Variants in DRD2 observed in about 807,000 individuals in gnomAD.
DRD2 encodes the protein D(2) dopamine receptor.
A neutral mutation model predicts 38.0 loss-of-function variants in DRD2; 8 were observed. The ratio of observed to expected loss-of-function variants is 0.21; its 90% CI spans 0.12 to 0.38. The LOEUF is 0.38. Ranked by LOEUF, DRD2 falls within the 10% of genes least tolerant of loss-of-function variation. The pLI, the probability that DRD2 is intolerant of heterozygous loss-of-function variation, is 1.00. For synonymous variants in DRD2, 230 were observed against 238.6 expected (o/e 0.96, Z 0.33); for missense variants, 403 against 607.7 (o/e 0.66, Z 3.54).
At chr11:113,421,718 T>G (rs925959945) in intron 2 of DRD2, among the ~76,000 whole-genome samples, 1 of 152,074 alleles carries the variant, frequency 6.6e-6, no homozygotes, top group Non-Finnish European at 1.5e-5. Context: ...GACAAGAGCA[T>G]GTATTAGAGA....
In DRD2 at chr11:113,416,084, C is replaced by T. The variant is rs573099519; in HGVS notation, c.533-473G>A. ...TGTTCCTATGTGTTTCATATGTTTG[C>T]GTGCCCTTCTAGGTCTACCAGACGC... On this transcript the variant is annotated intron_variant, in intron 4 of 7. Transcript: ENST00000362072. Among the ~76,000 whole-genome samples, 8 of 152,326 alleles carry T rather than the reference C, an allele frequency of 5.3e-5. No homozygotes were observed. In the South Asian group the frequency reaches 1.0e-3, roughly 20 times the overall value.
chr11:113,412,818 C>A lies in DRD2; in HGVS notation c.876G>T (p.Arg292Ser). The A allele has an allele frequency of 6.2e-7, 1 of 1,613,370 alleles. No homozygotes were observed. The highest frequency in any genetic ancestry group is 8.5e-7 in the Non-Finnish European group (1 of 1,179,764). Residue 292 changes from arginine to serine, a missense_variant, in exon 7 of 8, where the codon AGG (arginine) becomes AGT (serine). Arg to Ser is a moderately radical substitution (Grantham distance 110, BLOSUM62 -1). Around this residue, in one of 4 missense-constraint regions of DRD2, gnomAD observed 166 missense variants for 178.6 expected, o/e 0.93. Coordinates refer to ENST00000362072, the MANE Select transcript of DRD2 (RefSeq NM_000795.4). ...TGGGTGGGATGGGGCTGTACCGGGTCCTCTCGGGTGGGCTGGTGCTGGAGA... is the reference window on the plus strand; with the variant it reads ...TGGGTGGGATGGGGCTGTACCGGGTACTCTCGGGTGGGCTGGTGCTGGAGA... ...EMLSSTSPPE[R>S]TRYSPIPPSH...
intron 1 of DRD2, among the ~76,000 whole-genome samples, chr11:113,433,425 G>A (rs1300107330): frequency 6.6e-6 from 1 of 152,188 alleles, no homozygotes; most frequent in Non-Finnish European, 1.5e-5. Flanking sequence ...GACCTAGGCT[G>A]GGGGATACCC....
At chr11:113,451,301 T>C (rs1353617215) in intron 1 of DRD2, among the ~76,000 whole-genome samples, 2 of 152,198 alleles carry the variant, frequency 1.3e-5, no homozygotes, top group African/African-American at 2.4e-5. Context: ...ACCTATGAGA[T>C]AGATGCTAAC....
Position 113,416,962 on chromosome 11 carries a change from G to T in DRD2, c.433C>A (p.Arg145Ser), listed in dbSNP as rs779267865. The change falls in exon 4 of 8, where the codon CGC becomes AGC. Residue 145 changes from arginine to serine, a missense_variant. By Grantham distance (110) the Arg-to-Ser change is moderately radical (BLOSUM62 -1). Coordinates refer to ENST00000362072, the MANE Select transcript of DRD2 (RefSeq NM_000795.4). The part of the protein sequence containing the change: ...AVAMPMLYNT[R>S]YSSKRRVTVM... Reference sequence around the variant, plus strand: ...GTGACCCGGCGCTTGGAGCTGTAGCGCGTATTGTACAGCATGGGCATGGCC... The same window carrying T: ...GTGACCCGGCGCTTGGAGCTGTAGCTCGTATTGTACAGCATGGGCATGGCC... 8.7e-6 allele frequency: 14 copies of T among 1,614,018 alleles called. No homozygotes were observed. Among genetic ancestry groups the T allele is most frequent in the Admixed American group, 6.7e-5 (4 of 60,002 alleles).
rs556314398 is a variant in DRD2 at position 113,414,292 on chromosome 11, C to A, written c.810+83G>T. 2.2e-3 allele frequency: 3,006 copies of A among 1,340,042 alleles called. 3 individuals carry two copies. Among genetic ancestry groups the A allele is most frequent in the Non-Finnish European group, 3.1e-3 (2,879 of 929,998 alleles). 83.0% of individuals were successfully genotyped at this position (1,340,042 alleles called of 1,614,324 possible). ...CTGGGGTGCTTCTCCCATTGGCCAG[C>A]TTCTGAGGTCTCAGAACCATGGCCA... On this transcript the variant is annotated intron_variant, in intron 6 of 7. Coordinates refer to ENST00000362072, the MANE Select transcript of DRD2 (RefSeq NM_000795.4).
chr11:113,420,284 C>G (rs970083950), intron 2 of DRD2, among the ~76,000 whole-genome samples: 6 of 152,202 alleles, frequency 3.9e-5, no homozygotes, highest in African/African-American at 4.8e-5. Context: ...ATCCTAGGCT[C>G]CTGGACACAG....
At chr11:113,430,369 T>C (rs989027599) in intron 1 of DRD2, among the ~76,000 whole-genome samples, 2 of 152,120 alleles carry the variant, frequency 1.3e-5, no homozygotes, top group East Asian at 1.9e-4. Flanking sequence ...ATTTTATATA[T>C]CACTAGGAAA....
intron 7 of DRD2, 112 bp downstream of exon 7, chr11:113,412,444 G>A (rs1354877781): frequency 1.5e-6 from 2 of 1,358,526 alleles, no homozygotes; most frequent in Non-Finnish European, 2.0e-6. Flanking sequence ...GGCTTGGCCT[G>A]TGCCTGAGGA....
intron 7 of DRD2, 93 bp downstream of exon 7, chr11:113,412,463 C>A: frequency 6.7e-7 from 1 of 1,490,508 alleles, no homozygotes; most frequent in Non-Finnish European, 9.2e-7. Flanking sequence ...GAAATGCTAG[C>A]CCCATGATCC....
At chr11:113,451,192 C>A (rs1565674719) in intron 1 of DRD2, among the ~76,000 whole-genome samples, 1 of 152,146 alleles carries the variant, frequency 6.6e-6, no homozygotes, top group Non-Finnish European at 1.5e-5. Flanking sequence ...GAATATGTAT[C>A]CAAAACTTGT....
intron 1 of DRD2, among the ~76,000 whole-genome samples, chr11:113,448,601 G>A (rs1312115142): frequency 6.6e-6 from 1 of 152,240 alleles, no homozygotes; most frequent in Admixed American, 6.5e-5. Context: ...AGGAACAGGA[G>A]GAAGACAGAG....
intron 1 of DRD2, among the ~76,000 whole-genome samples, chr11:113,452,162 C>CT (rs1238545279): frequency 6.6e-6 from 1 of 152,112 alleles, no homozygotes; most frequent in Non-Finnish European, 1.5e-5. Context: ...TAAGAGGTGG[C>CT]TGACCCCAAA....
chr11:113,433,352 C>A (rs1951006327), intron 1 of DRD2, among the ~76,000 whole-genome samples: 1 of 152,172 alleles, frequency 6.6e-6, no homozygotes, highest in Admixed American at 6.5e-5. Flanking sequence ...CCTTCTTGAG[C>A]CCCTGGACTC....
intron 1 of DRD2, among the ~76,000 whole-genome samples, chr11:113,442,398 G>A (rs1368124036): frequency 6.6e-6 from 1 of 152,182 alleles, no homozygotes; most frequent in Non-Finnish European, 1.5e-5. Context: ...GAGCTACAAA[G>A]GCTGTGTCTG....
At chr11:113,446,367 T>A (rs1951148908) in intron 1 of DRD2, among the ~76,000 whole-genome samples, 1 of 152,236 alleles carries the variant, frequency 6.6e-6, no homozygotes, top group Non-Finnish European at 1.5e-5. Flanking sequence ...GCAGTCATAG[T>A]AACGGTAGCT....
At chr11:113,436,546 A>G (rs955076878) in intron 1 of DRD2, among the ~76,000 whole-genome samples, 24 of 152,138 alleles carry the variant, frequency 1.6e-4, no homozygotes, top group Admixed American at 1.2e-3. Context: ...TAGAGTCCTT[A>G]TCCTTTAGAG....
intron 7 of DRD2, 120 bp from the exon 8 acceptor site, chr11:113,411,040 T>G (rs1170217511): frequency 9.1e-7 from 1 of 1,103,008 alleles, no homozygotes; most frequent in Non-Finnish European, 1.3e-6. Flanking sequence ...ACAGAAGCAC[T>G]GTAGGAGGAG....
chr11:113,415,454 T>C lies in DRD2; in HGVS notation c.690A>G (p.Arg230=). Residue 230 remains arginine, a synonymous_variant, in exon 5 of 8, where the codon CGA becomes CGG. Coordinates refer to ENST00000362072, the MANE Select transcript of DRD2 (RefSeq NM_000795.4). ...RKRVNTKRSS[R]AFRAHLRAPL... ...GAGCCCTCAGGTGGGCCCTGAAAGC[T>C]CGGCTGCTGCGTTTGGTGTTGACTC... The C allele has an allele frequency of 6.2e-7, 1 of 1,613,922 alleles. No homozygotes were observed. Among genetic ancestry groups the C allele is most frequent in the Non-Finnish European group, 8.5e-7 (1 of 1,179,872 alleles).
Sources: gnomAD v4.1 joint callset for allele counts (sites outside exome capture counted in the v4.1 genomes callset) on GRCh38, gnomAD v4.1.1 for gene constraint, gnomAD v4.1.1 regional missense constraint, MANE v1.5 for transcripts, NCBI Gene and HGNC (gene_info 2026-07-23, HGNC 2026-07-21) for gene names.